Variants in ATAD2 observed in about 807,000 individuals in gnomAD.
ATAD2 encodes ATPase family AAA domain containing 2, also known as ATPase family AAA domain-containing protein 2.
In ATAD2, 62 loss-of-function variants were observed where a neutral mutation model predicts 168.9. The ratio of observed to expected loss-of-function variants is 0.37; its 90% CI spans 0.30 to 0.45. The LOEUF (loss-of-function observed/expected upper bound fraction) is 0.45, where lower values mean the gene tolerates loss of function less well. Among genes scored for constraint, ATAD2 ranks in the 20% least tolerant of loss-of-function variants. The pLI is 1.00. For missense variants in ATAD2, 1,419 were observed against 1,667.8 expected, an observed-to-expected ratio of 0.85 and a Z score of 2.60; for synonymous variants, 613 against 571.6, an observed-to-expected ratio of 1.07 and a Z score of -1.03.
At chr8:123,368,354 G>A (rs1413883551) in intron 8 of ATAD2, among the ~76,000 whole-genome samples, 1 of 152,132 alleles carries the variant, frequency 6.6e-6, no homozygotes, top group Non-Finnish European at 1.5e-5. Context: ...GGAGGCAGAG[G>A]TTGCAGTAAG....
At chr8:123,390,127 C>T (rs1335526483) in intron 1 of ATAD2, among the ~76,000 whole-genome samples, 2 of 151,296 alleles carry the variant, frequency 1.3e-5, no homozygotes, top group African/African-American at 4.9e-5. Context: ...TACAGGTGCA[C>T]ACTGCCACAT....
chr8:123,404,300 T>G (rs192616742), intron 1 of ATAD2, among the ~76,000 whole-genome samples: 63 of 152,172 alleles, frequency 4.1e-4, no homozygotes, highest in Admixed American at 7.2e-4. Context: ...TACCAAAAAC[T>G]TGGTGGCTTA....
rs554458337 is a variant in ATAD2 at position 123,392,766 on chromosome 8, T to C, written c.171+3421A>G. On this transcript the variant is annotated intron_variant, in intron 1 of 27. Transcript: ENST00000287394. ...GAATAGAGTGCGTTTTGTAAAGGGG[T>C]AGAAAAAGATGTCATTATAAAGGAT... Among the ~76,000 whole-genome samples, 7 of 152,182 alleles carry C rather than the reference T, an allele frequency of 4.6e-5. No homozygotes were observed. In the East Asian group the frequency reaches 1.2e-3, roughly 25 times the overall value.
intron 9 of ATAD2, 22 bp from the exon 10 acceptor site, chr8:123,359,707 A>G: frequency 6.5e-7 from 1 of 1,527,548 alleles, no homozygotes; most frequent in Non-Finnish European, 9.0e-7. Flanking sequence ...GATTTTTTAA[A>G]ACCACACAAA....
At chr8:123,370,162 A>AT (rs1288561930) in intron 6 of ATAD2, 138 bp from the exon 7 acceptor site, 10 of 776,158 alleles carry the variant, frequency 1.3e-5, no homozygotes, top group Non-Finnish European at 1.7e-5. Context: ...ACAAAAAAAA[A>AT]CCAAACTTAT....
Position 123,356,438 on chromosome 8 carries a change from T to G in ATAD2, c.1597A>C (p.Ile533Leu). The G allele has an allele frequency of 7.4e-6, 12 of 1,612,116 alleles. No individual in the cohort carries two copies. Among genetic ancestry groups the G allele is most frequent in the Non-Finnish European group, 1.0e-5 (12 of 1,178,910 alleles). ...MRPSIIFFDE[I>L]DGLAPVRSSR... ...GACCGTACTGGAGCCAGACCATCAA[T>G]TTCGTCAAAAAAAATAATTGATGGG... Residue 533 changes from isoleucine (I) to leucine (L), a missense_variant, in exon 13 of 28, where the codon ATT becomes CTT. Around this residue, in one of 5 missense-constraint regions of ATAD2, gnomAD observed 545 missense variants for 724.9 expected, o/e 0.75. Coordinates refer to ENST00000287394, the MANE Select transcript of ATAD2 (RefSeq NM_014109.4).
intron 2 of ATAD2, among the ~76,000 whole-genome samples, chr8:123,372,892 C>CT (rs766308467): frequency 0.017 from 2,296 of 137,922 alleles, 54 homozygotes; most frequent in African/African-American, 0.049. Context: ...ATCCAGCTAA[C>CT]TTTTTTTTTT....
chr8:123,328,468 T>G lies in ATAD2; in HGVS notation c.3590A>C (p.Lys1197Thr), dbSNP rs1163987293. 5.6e-6 allele frequency: 9 copies of G among 1,609,404 alleles called. No individual in the cohort carries two copies. The Admixed American group carries it at 1.2e-4, about 21-fold the overall frequency. The stretch of plus-strand genomic sequence containing the variant: ...AGTTTCCTCTGTATCACTCTCAATT[T>G]TGTGATCTATGGCATTCTGGCTATC... ...KDDSQNAIDH[K>T]IESDTEETQD... The change falls in exon 25 of 28, where the codon AAA (lysine) becomes ACA (threonine). Residue 1197 changes from lysine (K) to threonine (T), a missense_variant. This residue lies in a region of ATAD2 where 303 missense variants were observed against 304.3 expected (regional missense o/e 1.00). Coordinates refer to ENST00000287394, the MANE Select transcript of ATAD2 (RefSeq NM_014109.4).
chr8:123,384,253 C>A (rs74556416), intron 1 of ATAD2, among the ~76,000 whole-genome samples: 2,075 of 151,038 alleles, frequency 0.014, 23 homozygotes, highest in Non-Finnish European at 0.02. Flanking sequence ...TGATGTATAA[C>A]AAAAAAAAAC....
At chr8:123,325,731 T>C (rs1827596369) in intron 26 of ATAD2, among the ~76,000 whole-genome samples, 162 bp downstream of exon 26, 1 of 152,108 alleles carries the variant, frequency 6.6e-6, no homozygotes, top group African/African-American at 2.4e-5. Context: ...TAGTCTTAAT[T>C]TGGAACAGGG....
At position 123,336,463 on chromosome 8, in the gene ATAD2, G is replaced by T; in HGVS notation, c.3121C>A (p.His1041Asn). Residue 1041 changes from histidine to asparagine, a missense_variant, in exon 22 of 28, where the codon CAC (histidine) becomes AAC (asparagine). His to Asn is a moderately conservative substitution (Grantham distance 68). Coordinates refer to ENST00000287394, the MANE Select transcript of ATAD2 (RefSeq NM_014109.4). Reference protein sequence around the residue: ...LSSVISKIDLHKYLTVKDYLR... With the variant: ...LSSVISKIDLNKYLTVKDYLR... ...TAGTCTTTCACAGTCAGATACTTGT[G>T]TAGATCAATTTTACTGATTACAGAT... is the stretch of plus-strand genomic sequence containing the variant. 6.4e-7 allele frequency: 1 copy of T among 1,573,700 alleles called. No individual in the cohort carries two copies. The highest frequency in any genetic ancestry group is 2.3e-5 in the East Asian group (1 of 42,728).
At chr8:123,360,103 G>T (rs887137173) in intron 9 of ATAD2, among the ~76,000 whole-genome samples, 1 of 152,072 alleles carries the variant, frequency 6.6e-6, no homozygotes, top group Non-Finnish European at 1.5e-5. Context: ...TATGAGGAAG[G>T]TATTATTATT....
rs371071737 is a variant in ATAD2 at position 123,408,128 on chromosome 8, C to T, written c.-2281-6953G>A. Among the ~76,000 whole-genome samples the T allele has an allele frequency of 2.1e-4, 32 of 152,176 alleles. No homozygotes were observed. In the South Asian group the frequency reaches 6.6e-3, roughly 32 times the overall value. On this transcript the variant is annotated intron_variant, in intron 1 of 28. Transcript: ENST00000521903. ...TATACCAAATCTTATTGATTTCCCACAAAAGAAGAAAAAAAATTAATTGAA... is the reference window on the plus strand; with the variant it reads ...TATACCAAATCTTATTGATTTCCCATAAAAGAAGAAAAAAAATTAATTGAA...
At chr8:123,367,348 C>T (rs1389238719) in intron 8 of ATAD2, among the ~76,000 whole-genome samples, 1 of 152,146 alleles carries the variant, frequency 6.6e-6, no homozygotes, top group Non-Finnish European at 1.5e-5. Flanking sequence ...ACCCAGGAAG[C>T]GGAGGTTGCA....
chr8:123,329,558 C>T (rs1033452557), intron 24 of ATAD2, among the ~76,000 whole-genome samples: 7 of 151,846 alleles, frequency 4.6e-5, no homozygotes, highest in Non-Finnish European at 7.4e-5. Context: ...GTCAGGTGAT[C>T]GAGACCATCC....
At chr8:123,377,799 C>A (rs909835740) in intron 2 of ATAD2, among the ~76,000 whole-genome samples, 1 of 152,176 alleles carries the variant, frequency 6.6e-6, no homozygotes, top group Non-Finnish European at 1.5e-5. Context: ...GCCTTTCATA[C>A]AGAAGCAGAT....
Position 123,371,758 on chromosome 8 carries a change from C to A in ATAD2, c.448G>T (p.Gly150Cys). ...CAACTTCGACGCACTTCAACATCAC[C>A]ATTATCTTCATGTAAGTGTTCTGTA... Reference protein sequence around the residue: ...QSTEHLHEDNGDVEVRRSCRI... With the variant: ...QSTEHLHEDNCDVEVRRSCRI... Residue 150 changes from glycine (G) to cysteine (C), a missense_variant, in exon 4 of 28, where the codon GGT becomes TGT. Transcript: ENST00000287394. 6.2e-7 allele frequency: 1 copy of A among 1,613,626 alleles called. No individual in the cohort carries two copies. Among genetic ancestry groups the A allele is most frequent in the Non-Finnish European group, 8.5e-7 (1 of 1,179,780 alleles).
intron 1 of ATAD2, among the ~76,000 whole-genome samples, chr8:123,405,510 C>T (rs1813057333): frequency 6.6e-6 from 1 of 152,120 alleles, no homozygotes; most frequent in Non-Finnish European, 1.5e-5. Context: ...ATGATCTGCC[C>T]ACCTCGGCCT....
intron 12 of ATAD2, among the ~76,000 whole-genome samples, 157 bp downstream of exon 12, chr8:123,357,405 G>A (rs1346211482): frequency 6.6e-6 from 1 of 152,154 alleles, no homozygotes; most frequent in Non-Finnish European, 1.5e-5. Flanking sequence ...GTAGGTCAGT[G>A]TCATCTCGAC....
Sources: gnomAD v4.1 joint callset for allele counts (sites outside exome capture counted in the v4.1 genomes callset) on GRCh38, gnomAD v4.1.1 for gene constraint, gnomAD v4.1.1 regional missense constraint, MANE v1.5 for transcripts, NCBI Gene and HGNC (gene_info 2026-07-23, HGNC 2026-07-21) for gene names.